SPAST: variants seen among roughly 807,000 people sequenced by gnomAD.
SPAST encodes the protein spastin, also known as spastic paraplegia 4 (autosomal dominant; spastin).
In SPAST, 30 loss-of-function variants were observed where a neutral mutation model predicts 76.6. That is an observed-to-expected ratio of 0.39 (90% CI 0.29 to 0.53). SPAST has a LOEUF of 0.53. Ranked by LOEUF, SPAST falls within the 20% of genes least tolerant of loss-of-function variation. The probability of loss-of-function intolerance (pLI) is 0.68; values close to 1 mark genes in which losing one functional copy is unlikely to be tolerated. For missense variants in SPAST, 717 were observed against 770.5 expected, an observed-to-expected ratio of 0.93 and a Z score of 0.82; for synonymous variants, 305 against 281.0, an observed-to-expected ratio of 1.09 and a Z score of -0.86.
chr2:32,121,005 G>A (rs2148738753), intron 7 of SPAST, among the ~76,000 whole-genome samples: 1 of 152,284 alleles, frequency 6.6e-6, no homozygotes, highest in Non-Finnish European at 1.5e-5. Context: ...CAGAAGATCA[G>A]GAATCAGGAT....
chr2:32,121,752 C>G (rs1365891518), intron 7 of SPAST, among the ~76,000 whole-genome samples: 1 of 151,830 alleles, frequency 6.6e-6, no homozygotes, highest in Non-Finnish European at 1.5e-5. Flanking sequence ...CCATGTTGGC[C>G]AGGCTGGTTT....
chr2:32,147,330 ATGTG>A, intron 16 of SPAST, 72 bp downstream of exon 16: 1 of 586,508 alleles, frequency 1.7e-6, no homozygotes, highest in South Asian at 1.9e-5. Flanking sequence ...ACATATATGA[ATGTG>A]TGTGTGTGTG....
intron 7 of SPAST, 50 bp downstream of exon 7, chr2:32,116,262 C>T (rs1327146210): frequency 8.9e-7 from 1 of 1,118,386 alleles, no homozygotes; most frequent in South Asian, 1.2e-5. Flanking sequence ...GTTACTGAAT[C>T]CATAGTAGTA....
intron 9 of SPAST, chr2:32,130,017 G>C (rs1324224175): frequency 6.5e-6 from 1 of 152,768 alleles, no homozygotes; most frequent in Non-Finnish European, 1.5e-5. Context: ...AAAACAAGGG[G>C]GGGCATGGTG....
At chr2:32,069,026 A>G (rs1676639603) in intron 1 of SPAST, among the ~76,000 whole-genome samples, 5 of 152,068 alleles carry the variant, frequency 3.3e-5, no homozygotes, top group Admixed American at 2.6e-4. Context: ...CCTGGCCAAC[A>G]TATTAGTGAA....
intron 16 of SPAST, among the ~76,000 whole-genome samples, chr2:32,151,865 C>T (rs564917054): frequency 5.1e-4 from 77 of 150,738 alleles, no homozygotes; most frequent in African/African-American, 1.6e-3. Flanking sequence ...GAGCTGAGAT[C>T]GTACCACTGC....
chr2:32,153,138 A>T (rs1346725449), intron 16 of SPAST, among the ~76,000 whole-genome samples: 1 of 152,148 alleles, frequency 6.6e-6, no homozygotes, highest in Non-Finnish European at 1.5e-5. Flanking sequence ...TCATGGAGAT[A>T]TCAAAGATGA....
In SPAST at chr2:32,065,795, T is replaced by G. The variant is rs550667623; in HGVS notation, c.415+1549T>G. Among the ~76,000 whole-genome samples the G allele has an allele frequency of 2.1e-4, 32 of 152,296 alleles. 1 individual carries two copies. In the South Asian group the frequency reaches 3.7e-3, roughly 18 times the overall value. On this transcript the variant is annotated intron_variant, in intron 1 of 16. Coordinates refer to ENST00000315285, the MANE Select transcript of SPAST (RefSeq NM_014946.4). ...AAACTGTTCTAGAATTTCAATCTTG[T>G]TGAAACCTGTTTCCTTTGTGGGGCC...
intron 1 of SPAST, among the ~76,000 whole-genome samples, chr2:32,078,642 C>G (rs1305074871): frequency 6.6e-6 from 1 of 151,918 alleles, no homozygotes; most frequent in Non-Finnish European, 1.5e-5. Flanking sequence ...AGAGTGAGAC[C>G]CTGTCTCTAA....
At chr2:32,099,272 T>C (rs1372146233) in intron 4 of SPAST, among the ~76,000 whole-genome samples, 2 of 152,230 alleles carry the variant, frequency 1.3e-5, no homozygotes, top group Non-Finnish European at 2.9e-5. Flanking sequence ...TTTTTATGTA[T>C]CAATTTTTAT....
intron 1 of SPAST, among the ~76,000 whole-genome samples, chr2:32,083,886 C>T (rs990247451): frequency 1.0e-4 from 15 of 148,556 alleles, no homozygotes; most frequent in Middle Eastern, 3.4e-3. Flanking sequence ...TCAAGTGATT[C>T]TCCTGCCTCA....
intron 16 of SPAST, among the ~76,000 whole-genome samples, chr2:32,151,205 A>C (rs148193979): frequency 0.032 from 4,916 of 152,226 alleles, 115 homozygotes; most frequent in Middle Eastern, 0.075. Flanking sequence ...GGCCTCCCAA[A>C]GTGCTGGGAT....
intron 4 of SPAST, among the ~76,000 whole-genome samples, chr2:32,105,922 G>A (rs977937688): frequency 8.5e-5 from 13 of 152,216 alleles, no homozygotes; most frequent in Non-Finnish European, 1.9e-4. Flanking sequence ...ACCCACTTGA[G>A]GAGGCAGTCT....
chr2:32,096,389 C>T (rs113068983), intron 3 of SPAST, among the ~76,000 whole-genome samples: 2 of 152,188 alleles, frequency 1.3e-5, no homozygotes, highest in African/African-American at 4.8e-5. Context: ...GAGCTGAGGT[C>T]GCACCACTGC....
chr2:32,100,885 A>C (rs1169057066), intron 4 of SPAST, among the ~76,000 whole-genome samples: 1 of 152,108 alleles, frequency 6.6e-6, no homozygotes, highest in African/African-American at 2.4e-5. Flanking sequence ...ATTGATTCCA[A>C]GTCTTTGCTA....
At chr2:32,123,094 T>A (rs2148740985) in intron 7 of SPAST, among the ~76,000 whole-genome samples, 1 of 152,186 alleles carries the variant, frequency 6.6e-6, no homozygotes, top group Middle Eastern at 3.4e-3. Context: ...AAACCCCATC[T>A]CTACTAAAAA....
chr2:32,157,604 A>T lies in SPAST; in HGVS notation c.*3108A>T, dbSNP rs1486272941. On this transcript the variant is annotated 3_prime_UTR_variant, in exon 17 of 17. Coordinates refer to ENST00000315285, the MANE Select transcript of SPAST (RefSeq NM_014946.4). ...GTACAGTTGCATAAAGTGGGTTTTT[A>T]TCCTAATGTATTGGAAATAAATGAT... 6.6e-6 allele frequency: 1 copy of T among 152,556 alleles called. No homozygotes were observed. Among genetic ancestry groups the T allele is most frequent in the Non-Finnish European group, 1.5e-5 (1 of 68,030 alleles). The allele number at this position is 152,556 out of a possible 1,614,324, so 9.5% of individuals were successfully genotyped here.
rs1210888672 is a variant in SPAST, at chr2:32,083,893, C to G, written c.416-3599C>G. Among the ~76,000 whole-genome samples the G allele has an allele frequency of 2.0e-5, 3 of 149,596 alleles. No homozygotes were observed. The Admixed American group carries it at 2.0e-4, about 10-fold the overall frequency. ...TCCCAGGTTCAAGTGATTCTCCTGC[C>G]TCAGCTTCCTGAGTAGCTGGGACTA... On this transcript the variant is annotated intron_variant, in intron 1 of 16. Coordinates refer to ENST00000315285, the MANE Select transcript of SPAST (RefSeq NM_014946.4).
At position 32,092,799 on chromosome 2, in the gene SPAST, G is replaced by C. The variant is rs183042381; in HGVS notation, c.586+3194G>C. On this transcript the variant is annotated intron_variant, in intron 3 of 16. Coordinates refer to ENST00000315285, the MANE Select transcript of SPAST (RefSeq NM_014946.4). ...AAGGTGGGCGGATCACCTGAGGTCA[G>C]GAGTTCACGACCAGTCTGGTAACAT... Among the ~76,000 whole-genome samples the C allele has an allele frequency of 4.2e-3, 637 of 152,224 alleles. 9 individuals carry two copies. Among genetic ancestry groups the C allele is most frequent in the African/African-American group, 0.015 (626 of 41,536 alleles).
Sources: allele counts gnomAD v4.1 joint callset (sites outside exome capture counted in the v4.1 genomes callset), GRCh38; gene constraint gnomAD v4.1.1; transcripts MANE v1.5; gene names NCBI Gene and HGNC (gene_info 2026-07-23, HGNC 2026-07-21).